Variants in KCNQ5 observed in about 807,000 individuals in gnomAD.
KCNQ5 encodes the protein potassium voltage-gated channel subfamily KQT member 5.
KCNQ5 carries 30 observed loss-of-function variants against 98.2 expected under a neutral mutation model. The observed-to-expected ratio is 0.31, with a 90% CI of 0.23 to 0.41. KCNQ5 has a LOEUF of 0.41. Ranked by LOEUF, KCNQ5 falls within the 10% of genes least tolerant of loss-of-function variation. KCNQ5 has a pLI of 1.00. For synonymous variants in KCNQ5, 458 were observed against 449.4 expected (o/e 1.02, Z -0.24); for missense variants, 835 against 1,182.5 (o/e 0.71, Z 4.31).
intron 2 of KCNQ5, among the ~76,000 whole-genome samples, chr6:73,009,073 T>C (rs934149267): frequency 1.3e-5 from 2 of 152,066 alleles, no homozygotes; most frequent in African/African-American, 4.8e-5. Flanking sequence ...CATTGCAACC[T>C]CGACCTCCTA....
chr6:73,048,265 A>G (rs1432170649), intron 3 of KCNQ5, among the ~76,000 whole-genome samples: 1 of 152,246 alleles, frequency 6.6e-6, no homozygotes, highest in Non-Finnish European at 1.5e-5. Flanking sequence ...ATTAAGAAGA[A>G]GCCAGCCATG....
At chr6:73,046,953 C>A (rs1419215906) in intron 3 of KCNQ5, among the ~76,000 whole-genome samples, 1 of 151,964 alleles carries the variant, frequency 6.6e-6, no homozygotes, top group Non-Finnish European at 1.5e-5. Flanking sequence ...TTTATAATGT[C>A]CCATTTTATA....
chr6:72,806,203 C>A (rs1316607332), intron 1 of KCNQ5, among the ~76,000 whole-genome samples: 1 of 152,076 alleles, frequency 6.6e-6, no homozygotes, highest in East Asian at 1.9e-4. Flanking sequence ...TTGGGATCCT[C>A]ACCATACAGC....
At chr6:73,064,094 C>T (rs953400017) in intron 3 of KCNQ5, among the ~76,000 whole-genome samples, 1 of 152,172 alleles carries the variant, frequency 6.6e-6, no homozygotes, top group African/African-American at 2.4e-5. Context: ...GACGTTTCAT[C>T]TCAAGTGGCA....
chr6:72,968,028 A>G (rs1356808044), intron 1 of KCNQ5, among the ~76,000 whole-genome samples: 1 of 152,002 alleles, frequency 6.6e-6, no homozygotes, highest in Non-Finnish European at 1.5e-5. Flanking sequence ...CTCCTTAGCG[A>G]CCCCAACACA....
At chr6:72,779,543 T>C (rs959468378) in intron 1 of KCNQ5, among the ~76,000 whole-genome samples, 1 of 152,074 alleles carries the variant, frequency 6.6e-6, no homozygotes, top group Non-Finnish European at 1.5e-5. Context: ...GGTGGAGTTC[T>C]AGGAGAGCAG....
At chr6:72,823,123 A>G (rs1367104173) in intron 1 of KCNQ5, among the ~76,000 whole-genome samples, 1 of 152,184 alleles carries the variant, frequency 6.6e-6, no homozygotes, top group African/African-American at 2.4e-5. Flanking sequence ...ATGTGATTCT[A>G]TTTGGGAGAC....
intron 1 of KCNQ5, among the ~76,000 whole-genome samples, chr6:72,760,671 C>G (rs780007771): frequency 6.6e-6 from 1 of 151,988 alleles, no homozygotes; most frequent in South Asian, 2.1e-4. Flanking sequence ...CTAGAAGGGG[C>G]GGGTATTATT....
chr6:73,009,503 C>A (rs182637187), intron 2 of KCNQ5, among the ~76,000 whole-genome samples: 10 of 151,820 alleles, frequency 6.6e-5, no homozygotes, highest in Admixed American at 5.9e-4. Context: ...ATACAGTAGA[C>A]CCAAGCTAGC....
At chr6:72,771,310 TCTTGA>T (rs1435313711) in intron 1 of KCNQ5, among the ~76,000 whole-genome samples, 1 of 152,042 alleles carries the variant, frequency 6.6e-6, no homozygotes, top group Non-Finnish European at 1.5e-5. Flanking sequence ...AATAAATATA[TCTTGA>T]CTTAAATTAA....
intron 1 of KCNQ5, among the ~76,000 whole-genome samples, chr6:72,805,419 C>A (rs1774903358): frequency 6.6e-6 from 1 of 152,086 alleles, no homozygotes; most frequent in African/African-American, 2.4e-5. Context: ...AAGAGACTAT[C>A]CTTTCCCTAA....
In KCNQ5 at chr6:72,924,960, T is replaced by A. The variant is rs1010070741; in HGVS notation, c.399-78948T>A. 5.3e-5 allele frequency among the ~76,000 whole-genome samples: 8 copies of A among 152,304 alleles called. No individual in the cohort carries two copies. The South Asian group carries it at 1.7e-3, about 32-fold the overall frequency. On this transcript the variant is annotated intron_variant, in intron 1 of 13. Transcript: ENST00000370398. Reference sequence around the variant, plus strand: ...CTGTTCAATTAGTTCTTCTCAAAAATTTATCATTTTAGGGCATGGTTTTCT... The same window carrying A: ...CTGTTCAATTAGTTCTTCTCAAAAAATTATCATTTTAGGGCATGGTTTTCT...
At chr6:72,895,460 A>T (rs1172487113) in intron 1 of KCNQ5, among the ~76,000 whole-genome samples, 1 of 151,806 alleles carries the variant, frequency 6.6e-6, no homozygotes, top group Non-Finnish European at 1.5e-5. Flanking sequence ...ACGATTTTTT[A>T]AAATAGGACT....
At chr6:72,861,682 C>T (rs1777768549) in intron 1 of KCNQ5, among the ~76,000 whole-genome samples, 1 of 152,090 alleles carries the variant, frequency 6.6e-6, no homozygotes. Flanking sequence ...TCATGGGACC[C>T]TGTACCAAAT....
intron 1 of KCNQ5, among the ~76,000 whole-genome samples, chr6:72,712,536 G>A (rs1466132560): frequency 2.0e-5 from 3 of 152,232 alleles, no homozygotes; most frequent in East Asian, 1.9e-4. Context: ...GTTAATAGCC[G>A]CTTGGAACTA....
chr6:72,984,121 C>A (rs9446803), intron 1 of KCNQ5, among the ~76,000 whole-genome samples: 2 of 152,202 alleles, frequency 1.3e-5, no homozygotes, highest in Admixed American at 6.5e-5. Flanking sequence ...AGGTGTCAGT[C>A]GGCCCCTACT....
At chr6:73,084,244 G>A (rs750692182) in intron 5 of KCNQ5, among the ~76,000 whole-genome samples, 67 of 152,188 alleles carry the variant, frequency 4.4e-4, no homozygotes, top group Non-Finnish European at 8.8e-5. Flanking sequence ...CTTCAAAGGA[G>A]CAACTACATT....
chr6:73,136,883 T>A (rs1050758741), intron 10 of KCNQ5: 3 of 152,190 alleles, frequency 2.0e-5, no homozygotes, highest in African/African-American at 7.2e-5. Context: ...TATAGCCAGT[T>A]TTCAATTATT....
intron 3 of KCNQ5, among the ~76,000 whole-genome samples, chr6:73,047,534 T>G (rs1192797496): frequency 6.6e-6 from 1 of 152,242 alleles, no homozygotes. Context: ...AAAGTTGAAC[T>G]TACAAGACAG....
Sources: allele counts gnomAD v4.1 joint callset (sites outside exome capture counted in the v4.1 genomes callset), GRCh38; gene constraint gnomAD v4.1.1; transcripts MANE v1.5; gene names NCBI Gene and HGNC (gene_info 2026-07-23, HGNC 2026-07-21).